The following PCDHGA8 variants were observed in gnomAD, a reference collection of about 807,000 sequenced individuals.
The protein encoded by PCDHGA8 is protocadherin gamma-A8.
PCDHGA8 carries 45 observed loss-of-function variants against 59.2 expected under a neutral mutation model. The ratio of observed to expected loss-of-function variants is 0.76; its 90% CI spans 0.60 to 0.98. The LOEUF (loss-of-function observed/expected upper bound fraction) is 0.98. PCDHGA8 is among the 50% of genes least tolerant of loss of function. The pLI, the probability that PCDHGA8 is intolerant of heterozygous loss-of-function variation, is 0.00. For synonymous variants in PCDHGA8, 531 were observed against 519.0 expected (o/e 1.02, Z -0.32); for missense variants, 1,257 against 1,196.2 (o/e 1.05, Z -0.75).
At chr5:141,502,907 G>C (rs1335363561) in intron 2 of PCDHGA8, among the ~76,000 whole-genome samples, 2 of 138,924 alleles carry the variant, frequency 1.4e-5, no homozygotes, top group Non-Finnish European at 3.0e-5. Context: ...CTGTTGCCAG[G>C]CTGGAGTGCA....
At chr5:141,506,787 G>A (rs55775963) in intron 3 of PCDHGA8, among the ~76,000 whole-genome samples, 1,925 of 152,270 alleles carry the variant, frequency 0.013, 43 homozygotes, top group African/African-American at 0.044. Flanking sequence ...CTTATAAGGA[G>A]GCTGGCAGAG....
rs776258973 is a variant in PCDHGA8, at chr5:141,489,877, A to G, written c.2425-4930A>G. 1.2e-6 allele frequency: 2 copies of G among 1,614,230 alleles called. No individual in the cohort carries two copies. The highest frequency in any genetic ancestry group is 2.2e-5 in the South Asian group (2 of 91,090). Reference sequence around the variant, plus strand: ...CCAGGCAAGACATCAGCTGGTGCTTACTGCTGTGGATGGGGGGACCCCAGC... The same window carrying G: ...CCAGGCAAGACATCAGCTGGTGCTTGCTGCTGTGGATGGGGGGACCCCAGC... On this transcript the variant is annotated intron_variant, in intron 1 of 3. Coordinates refer to ENST00000398604, the MANE Select transcript of PCDHGA8 (RefSeq NM_032088.2). This position sits in a 1 kb window ranked among gnomAD's most constrained non-coding sequence, Gnocchi z 4.5.
intron 1 of PCDHGA8, among the ~76,000 whole-genome samples, chr5:141,484,160 T>C (rs1451052819): frequency 2.6e-5 from 4 of 152,210 alleles, no homozygotes; most frequent in African/African-American, 7.2e-5. Flanking sequence ...CACAATGCTG[T>C]TGGTAGCTGA....
At position 141,413,304 on chromosome 5, in the gene PCDHGA8, A is replaced by T; in HGVS notation, c.2424+18067A>T. The T allele has an allele frequency of 1.9e-6, 3 of 1,613,982 alleles. No individual in the cohort carries two copies. The Admixed American group carries it at 5.0e-5, about 27-fold the overall frequency. On this transcript the variant is annotated intron_variant, in intron 1 of 3. Transcript: ENST00000398604. Reference sequence around the variant, plus strand: ...TCTCCTACTCAATTCCTGAGGAATTAGAGAAAGGCTCTTTCGTGGGCAACA... The same window carrying T: ...TCTCCTACTCAATTCCTGAGGAATTTGAGAAAGGCTCTTTCGTGGGCAACA...
Position 141,489,398 on chromosome 5 carries a change from G to A in PCDHGA8, c.2425-5409G>A, listed in dbSNP as rs2099686644. On this transcript the variant is annotated intron_variant, in intron 1 of 3. Transcript: ENST00000398604. This position sits in a 1 kb window ranked among gnomAD's most constrained non-coding sequence, Gnocchi z 4.5. The stretch of plus-strand genomic sequence containing the variant: ...GTGGGGAATGTTGCTCAGGATCTGG[G>A]CTTAAAGATGACAGATCTGTTGAGC... 6.2e-7 allele frequency: 1 copy of A among 1,614,064 alleles called. No homozygotes were observed. The highest frequency in any genetic ancestry group is 1.3e-5 in the African/African-American group (1 of 74,910).
At chr5:141,480,738 T>C (rs2099524955) in intron 1 of PCDHGA8, among the ~76,000 whole-genome samples, 1 of 152,124 alleles carries the variant, frequency 6.6e-6, no homozygotes, top group Admixed American at 6.5e-5. Flanking sequence ...GGGTGGGACA[T>C]AGGCATCATT....
At chr5:141,456,819 C>A (rs1453433865) in intron 1 of PCDHGA8, among the ~76,000 whole-genome samples, 1 of 151,982 alleles carries the variant, frequency 6.6e-6, no homozygotes, top group Non-Finnish European at 1.5e-5. Flanking sequence ...AAAAAATTAG[C>A]CATCGTGGTA....
rs1259562533 is a variant in PCDHGA8 at position 141,482,788 on chromosome 5, G to T, written c.2425-12019G>T. 2.6e-5 allele frequency among the ~76,000 whole-genome samples: 4 copies of T among 152,184 alleles called. 1 individual carries two copies. Among genetic ancestry groups the T allele is most frequent in the Admixed American group, 2.6e-4 (4 of 15,278 alleles). ...TATCACTGAACCTTAAACTGTGTGTGTGGCCGGGTACGGTGGCTCATGCCT... is the reference window on the plus strand; with the variant it reads ...TATCACTGAACCTTAAACTGTGTGTTTGGCCGGGTACGGTGGCTCATGCCT... On this transcript the variant is annotated intron_variant, in intron 1 of 3. Transcript: ENST00000398604.
At chr5:141,506,076 T>C (rs2154593839) in intron 3 of PCDHGA8, among the ~76,000 whole-genome samples, 1 of 152,244 alleles carries the variant, frequency 6.6e-6, no homozygotes, top group South Asian at 2.1e-4. Flanking sequence ...TCCTTTGTAA[T>C]AGAGATTCGG....
In PCDHGA8 at chr5:141,486,247, C is replaced by T. The variant is rs935513223; in HGVS notation, c.2425-8560C>T. The T allele has an allele frequency of 2.5e-6, 4 of 1,614,014 alleles. No homozygotes were observed. The African/African-American group carries it at 5.3e-5, about 22-fold the overall frequency. On this transcript the variant is annotated intron_variant, in intron 1 of 3. Transcript: ENST00000398604. This position sits in a 1 kb window ranked among gnomAD's most constrained non-coding sequence, Gnocchi z 5.0. Reference sequence around the variant, plus strand: ...TCACAGTGACCTCAGAGCTTGGAACCCTCCCCGAGAGTGCAGAACCTGGCA... The same window carrying T: ...TCACAGTGACCTCAGAGCTTGGAACTCTCCCCGAGAGTGCAGAACCTGGCA...
chr5:141,434,784 A>C (rs967716221), intron 1 of PCDHGA8, among the ~76,000 whole-genome samples: 1 of 150,278 alleles, frequency 6.7e-6, no homozygotes, highest in African/African-American at 2.5e-5. Flanking sequence ...AAAAAAAAAA[A>C]TTTTTTTTTC....
At position 141,413,788 on chromosome 5, in the gene PCDHGA8, G is replaced by A. The variant is rs2095678300; in HGVS notation, c.2424+18551G>A. The A allele has an allele frequency of 2.1e-5, 34 of 1,613,166 alleles. No individual in the cohort carries two copies. Among genetic ancestry groups the A allele is most frequent in the Non-Finnish European group, 2.8e-5 (33 of 1,179,876 alleles). ...GGAGCTGGTACTGGAGCACTCCCTA[G>A]ATCGCGAGGAAGAGGCCATTCACCA... is the stretch of plus-strand genomic sequence containing the variant. On this transcript the variant is annotated intron_variant, in intron 1 of 3. Coordinates refer to ENST00000398604, the MANE Select transcript of PCDHGA8 (RefSeq NM_032088.2).
At chr5:141,419,359 G>C (rs1257423360) in intron 1 of PCDHGA8, 1 of 1,613,796 alleles carries the variant, frequency 6.2e-7, no homozygotes. Flanking sequence ...AGTCACGAAC[G>C]CTGTCGTCCT....
At chr5:141,508,242 GC>G (rs1344624071) in intron 3 of PCDHGA8, 1 of 152,310 alleles carries the variant, frequency 6.6e-6, no homozygotes, top group African/African-American at 2.4e-5. Context: ...TCCTAAGTCT[GC>G]CTCTCCTGGG....
intron 1 of PCDHGA8, among the ~76,000 whole-genome samples, chr5:141,473,017 AGAAG>A (rs1484773075): frequency 7.0e-4 from 107 of 151,874 alleles, no homozygotes; most frequent in Middle Eastern, 3.4e-3. Flanking sequence ...AGAAAAAGAA[AGAAG>A]GAAGGAAGGA....
chr5:141,399,909 A>G (rs1181363803), intron 1 of PCDHGA8: 6 of 1,612,410 alleles, frequency 3.7e-6, no homozygotes, highest in East Asian at 4.5e-5. Flanking sequence ...ACGCAGACTC[A>G]GGACACAACG....
At chr5:141,414,460 A>G in intron 1 of PCDHGA8, 1 of 1,613,922 alleles carries the variant, frequency 6.2e-7, no homozygotes, top group Non-Finnish European at 8.5e-7. Context: ...AGTGACAGCC[A>G]CAGATGGGGG....
chr5:141,419,632 G>A (rs1210031265), intron 1 of PCDHGA8: 1 of 1,612,432 alleles, frequency 6.2e-7, no homozygotes, highest in Admixed American at 1.7e-5. Flanking sequence ...TGACCAAGGT[G>A]GTGGCCGTGG....
intron 1 of PCDHGA8, among the ~76,000 whole-genome samples, chr5:141,460,888 C>T (rs530320189): frequency 1.3e-5 from 2 of 149,792 alleles, no homozygotes; most frequent in East Asian, 2.0e-4. Context: ...CATGCCTTTT[C>T]GTGGCTGAGT....
Sources: gnomAD v4.1 joint callset for allele counts (sites outside exome capture counted in the v4.1 genomes callset) on GRCh38, gnomAD v4.1.1 for gene constraint, Gnocchi (gnomAD v3.1) non-coding constraint, MANE v1.5 for transcripts, NCBI Gene and HGNC (gene_info 2026-07-23, HGNC 2026-07-21) for gene names.